TMPRSS15: variants seen among roughly 807,000 people sequenced by gnomAD.
The protein encoded by TMPRSS15 is enteropeptidase.
Under a neutral mutation model 125.3 loss-of-function variants are expected in TMPRSS15, and 128 were observed. The ratio of observed to expected loss-of-function variants is 1.02; its 90% CI spans 0.89 to 1.18. The LOEUF (loss-of-function observed/expected upper bound fraction) is 1.18, where lower values mean the gene tolerates loss of function less well. TMPRSS15 is among the 50% of genes most tolerant of loss of function. The probability of loss-of-function intolerance (pLI) is 0.00; values close to 1 mark genes in which losing one functional copy is unlikely to be tolerated. For missense variants in TMPRSS15, 1,283 were observed against 1,212.7 expected, an observed-to-expected ratio of 1.06 and a Z score of -0.86; for synonymous variants, 446 against 423.2, an observed-to-expected ratio of 1.05 and a Z score of -0.66.
intron 1 of TMPRSS15, among the ~76,000 whole-genome samples, chr21:18,417,643 A>T (rs2076183349): frequency 6.6e-6 from 1 of 152,200 alleles, no homozygotes; most frequent in Non-Finnish European, 1.5e-5. Context: ...ATAGAGCCTA[A>T]ACCCCTCAGA....
At chr21:18,294,799 G>A (rs1261393773) in intron 19 of TMPRSS15, 147 bp from the exon 20 acceptor site, 3 of 719,376 alleles carry the variant, frequency 4.2e-6, no homozygotes, top group Admixed American at 2.4e-5. Context: ...ATTGTAAGCC[G>A]AAGAAGCCCC....
At chr21:18,395,151 A>G (rs1222338545) in intron 3 of TMPRSS15, among the ~76,000 whole-genome samples, 1 of 152,216 alleles carries the variant, frequency 6.6e-6, no homozygotes. Flanking sequence ...CCATTTAGCA[A>G]ATGAACAAAA....
At chr21:18,431,417 C>T (rs1487240210) in intron 1 of TMPRSS15, among the ~76,000 whole-genome samples, 2 of 152,096 alleles carry the variant, frequency 1.3e-5, no homozygotes, top group African/African-American at 4.8e-5. Flanking sequence ...TTCTGGGTCT[C>T]TTGGTCCATT....
At chr21:18,453,777 A>G (rs1486307470) in intron 1 of TMPRSS15, among the ~76,000 whole-genome samples, 3 of 152,226 alleles carry the variant, frequency 2.0e-5, no homozygotes, top group African/African-American at 7.2e-5. Flanking sequence ...GAATGAATAA[A>G]GAAAATCTGG....
chr21:18,387,507 A>G (rs1004110771), intron 3 of TMPRSS15, among the ~76,000 whole-genome samples: 1 of 152,062 alleles, frequency 6.6e-6, no homozygotes, highest in Non-Finnish European at 1.5e-5. Flanking sequence ...CAAATGCTAA[A>G]TGTTCTGGTG....
chr21:18,314,955 G>A (rs1324357343), intron 17 of TMPRSS15, among the ~76,000 whole-genome samples, 191 bp downstream of exon 17: 2 of 152,106 alleles, frequency 1.3e-5, no homozygotes, highest in Non-Finnish European at 2.9e-5. Context: ...AATAAACTGA[G>A]GCCTGCGTAT....
At chr21:18,331,983 C>G in intron 14 of TMPRSS15, 101 bp downstream of exon 14, 1 of 964,746 alleles carries the variant, frequency 1.0e-6, no homozygotes, top group South Asian at 1.3e-5. Context: ...GATAGGCGTA[C>G]CCATGTTTGA....
chr21:18,371,012 G>T lies in TMPRSS15; in HGVS notation c.664+1181C>A, dbSNP rs184553146. Among the ~76,000 whole-genome samples, 169 of 152,170 alleles carry T rather than the reference G, an allele frequency of 1.1e-3. 1 individual carries two copies. Among genetic ancestry groups the T allele is most frequent in the African/African-American group, 3.3e-3 (139 of 41,544 alleles). On this transcript the variant is annotated intron_variant, in intron 6 of 24. Transcript: ENST00000284885. The stretch of plus-strand genomic sequence containing the variant: ...GATTATAAGCCATACCAAAAAATGT[G>T]CAGTTAATACTGTTAAATAAAACAA...
intron 6 of TMPRSS15, among the ~76,000 whole-genome samples, chr21:18,365,649 C>CCCTCCCTTCCTT (rs1555904784): frequency 1.8e-4 from 12 of 65,862 alleles, no homozygotes; most frequent in Non-Finnish European, 2.5e-4. Flanking sequence ...TCTTTTTCCT[C>CCCTCCCTTCCTT]CCTTCCTTCC....
chr21:18,450,668 T>C (rs1601467024), intron 1 of TMPRSS15, among the ~76,000 whole-genome samples: 2 of 150,342 alleles, frequency 1.3e-5, no homozygotes, highest in African/African-American at 5.0e-5. Flanking sequence ...CATGACCCAC[T>C]TAAAGGCTTC....
rs139429685 is a variant in TMPRSS15, at chr21:18,300,614, G to A, written c.2166-2785C>T. Among the ~76,000 whole-genome samples the A allele has an allele frequency of 4.7e-3, 712 of 151,982 alleles. 12 individuals carry two copies. Among genetic ancestry groups the A allele is most frequent in the African/African-American group, 0.015 (632 of 41,450 alleles). ...CCTGCCTTGGCCTCCCAAAGTGCTG[G>A]GATTACAGGTGTGAGCCACCACACC... On this transcript the variant is annotated intron_variant, in intron 18 of 24. Coordinates refer to ENST00000284885, the MANE Select transcript of TMPRSS15 (RefSeq NM_002772.3).
At chr21:18,287,686 A>G (rs1222344745) in intron 21 of TMPRSS15, among the ~76,000 whole-genome samples, 1 of 152,214 alleles carries the variant, frequency 6.6e-6, no homozygotes, top group African/African-American at 2.4e-5. Flanking sequence ...ATTGCACGAT[A>G]TAGGTCAAGA....
chr21:18,477,504 A>C (rs2123288777), intron 1 of TMPRSS15: 1 of 152,250 alleles, frequency 6.6e-6, no homozygotes, highest in Non-Finnish European at 1.5e-5. Context: ...GTTGCAAGTA[A>C]CAAACATGGA....
At chr21:18,416,117 C>A (rs899690140) in intron 1 of TMPRSS15, among the ~76,000 whole-genome samples, 1 of 151,508 alleles carries the variant, frequency 6.6e-6, no homozygotes, top group African/African-American at 2.4e-5. Context: ...ATGAAAACTG[C>A]AAAACATTGA....
At chr21:18,312,245 T>G (rs971556907) in intron 18 of TMPRSS15, among the ~76,000 whole-genome samples, 3 of 151,966 alleles carry the variant, frequency 2.0e-5, no homozygotes, top group Non-Finnish European at 4.4e-5. Flanking sequence ...ATTACTTAAT[T>G]ACTTTTAAGA....
chr21:18,283,018 G>T (rs981879699), intron 21 of TMPRSS15, among the ~76,000 whole-genome samples: 10 of 152,180 alleles, frequency 6.6e-5, no homozygotes, highest in Admixed American at 5.9e-4. Context: ...GTGGCTTAGA[G>T]ACTGGGCCAG....
intron 1 of TMPRSS15, among the ~76,000 whole-genome samples, chr21:18,448,563 C>G (rs902629288): frequency 6.6e-6 from 1 of 152,184 alleles, no homozygotes; most frequent in South Asian, 2.1e-4. Flanking sequence ...AAATTTTAAT[C>G]ATTTCCTTTT....
chr21:18,339,544 T>G (rs764797325), intron 13 of TMPRSS15, among the ~76,000 whole-genome samples: 2 of 152,156 alleles, frequency 1.3e-5, no homozygotes, highest in Non-Finnish European at 2.9e-5. Context: ...GTATTAAGTG[T>G]GCTTCAAAGA....
At chr21:18,305,481 C>G (rs915953712) in intron 18 of TMPRSS15, among the ~76,000 whole-genome samples, 4 of 152,192 alleles carry the variant, frequency 2.6e-5, no homozygotes, top group African/African-American at 9.7e-5. Flanking sequence ...AGCCACCACG[C>G]CCGGCCCCTT....
Sources: allele counts gnomAD v4.1 joint callset (sites outside exome capture counted in the v4.1 genomes callset), GRCh38; gene constraint gnomAD v4.1.1; transcripts MANE v1.5; gene names NCBI Gene and HGNC (gene_info 2026-07-23, HGNC 2026-07-21).